INO80: variants seen among roughly 807,000 people sequenced by gnomAD.
INO80 encodes the protein chromatin-remodeling ATPase INO80.
INO80 carries 20 observed loss-of-function variants against 203.4 expected under a neutral mutation model. The observed-to-expected ratio is 0.10, with a 90% CI of 0.07 to 0.14. INO80 has a LOEUF of 0.14. Among genes scored for constraint, INO80 ranks in the 10% least tolerant of loss-of-function variants. The pLI is 1.00. For synonymous variants in INO80, 726 were observed against 685.2 expected (o/e 1.06, Z -0.93); for missense variants, 1,419 against 1,914.4 (o/e 0.74, Z 4.83).
At chr15:41,024,930 T>C (rs2140475044) in intron 25 of INO80, among the ~76,000 whole-genome samples, 1 of 152,330 alleles carries the variant, frequency 6.6e-6, no homozygotes, top group Non-Finnish European at 1.5e-5. Context: ...TCCCTAGGAC[T>C]GATCTGAAAG....
chr15:41,023,439 C>A (rs1385966471), intron 25 of INO80: 9 of 422,844 alleles, frequency 2.1e-5, no homozygotes, highest in Non-Finnish European at 1.4e-5. Context: ...TCTTGAACAG[C>A]ATGCATACTC....
intron 18 of INO80, among the ~76,000 whole-genome samples, chr15:41,054,608 A>G (rs2044949505): frequency 1.3e-5 from 2 of 152,182 alleles, no homozygotes; most frequent in South Asian, 4.1e-4. Context: ...TTAGACCCAT[A>G]GCATTTGACC....
At chr15:41,071,476 TAG>T (rs1179939429) in intron 12 of INO80, among the ~76,000 whole-genome samples, 7 of 131,480 alleles carry the variant, frequency 5.3e-5, no homozygotes, top group African/African-American at 1.5e-4. Flanking sequence ...TTTTTTGAGA[TAG>T]AGTTTTGCTC....
chr15:41,094,083 G>T (rs1183310394), intron 4 of INO80, among the ~76,000 whole-genome samples: 1 of 152,136 alleles, frequency 6.6e-6, no homozygotes, highest in African/African-American at 2.4e-5. Context: ...GTATAAAAGA[G>T]AAATAATTAG....
chr15:41,021,795 C>G (rs1211483049), intron 25 of INO80, among the ~76,000 whole-genome samples: 1 of 152,214 alleles, frequency 6.6e-6, no homozygotes, highest in Non-Finnish European at 1.5e-5. Flanking sequence ...AAATTCTTAT[C>G]TCAATACAAG....
At chr15:41,036,623 G>A (rs1023581146) in intron 24 of INO80, among the ~76,000 whole-genome samples, 3 of 152,056 alleles carry the variant, frequency 2.0e-5, no homozygotes, top group Non-Finnish European at 4.4e-5. Flanking sequence ...ATGTTCCAAA[G>A]ATTAGTACCA....
Position 41,006,835 on chromosome 15 carries a change from A to G in INO80, c.3403-1148T>C, listed in dbSNP as rs181069023. ...TTTAATTTTTTACCATTTCTGTCTC[A>G]AAGTGGTTCCTTAAGAGCTGTGATA... On this transcript the variant is annotated intron_variant, in intron 27 of 35. Coordinates refer to ENST00000648947, the MANE Select transcript of INO80 (RefSeq NM_017553.3). Among the ~76,000 whole-genome samples, 410 of 152,306 alleles carry G rather than the reference A, an allele frequency of 2.7e-3. 3 individuals are homozygous for G. The highest frequency in any genetic ancestry group is 0.013 in the South Asian group (62 of 4,832).
chr15:41,072,312 G>A (rs919487383), intron 11 of INO80, among the ~76,000 whole-genome samples: 4 of 151,930 alleles, frequency 2.6e-5, no homozygotes, highest in Non-Finnish European at 5.9e-5. Context: ...CTTACACTCT[G>A]TCAATGTTAA....
intron 28 of INO80, among the ~76,000 whole-genome samples, chr15:41,002,682 G>A (rs546030496): frequency 9.9e-5 from 15 of 152,278 alleles, no homozygotes; most frequent in Admixed American, 3.9e-4. Flanking sequence ...TCTATGCTAA[G>A]ACAGTAATCT....
chr15:41,016,074 A>T lies in INO80; in HGVS notation c.3402+14T>A. The T allele has an allele frequency of 6.2e-7, 1 of 1,607,776 alleles. No homozygotes were observed. The highest frequency in any genetic ancestry group is 8.5e-7 in the Non-Finnish European group (1 of 1,175,884). ...TGTCAAGGTATCCTAGGTCCCCAAG[A>T]TTCCCTCTCCTACCTCCAGTAGGTC... On this transcript the variant is annotated intron_variant, in intron 27 of 35. Coordinates refer to ENST00000648947, the MANE Select transcript of INO80 (RefSeq NM_017553.3).
chr15:41,019,077 G>A (rs72735699), intron 26 of INO80, among the ~76,000 whole-genome samples: 10,793 of 152,222 alleles, frequency 0.071, 540 homozygotes, highest in South Asian at 0.22. Context: ...GTAGCCTATG[G>A]CAGTAAAATT....
chr15:41,048,087 T>G, intron 22 of INO80, 125 bp downstream of exon 22: 1 of 596,022 alleles, frequency 1.7e-6, no homozygotes, highest in East Asian at 2.7e-5. Context: ...TTATCAAGAT[T>G]TTATAAATAA....
chr15:41,055,773 A>G (rs2412599), intron 17 of INO80, among the ~76,000 whole-genome samples: 138,204 of 152,162 alleles, frequency 0.91, 63,953 homozygotes, highest in East Asian at 1. Flanking sequence ...CTGGTCTACC[A>G]CTATTTTAAA....
intron 24 of INO80, among the ~76,000 whole-genome samples, chr15:41,037,697 C>G (rs1184983877): frequency 2.0e-5 from 3 of 151,910 alleles, no homozygotes; most frequent in Non-Finnish European, 4.4e-5. Flanking sequence ...AATCCCAGCA[C>G]TTTGAAAGGC....
At chr15:40,980,505 G>A in intron 35 of INO80, 65 bp from the exon 36 acceptor site, 1 of 1,269,918 alleles carries the variant, frequency 7.9e-7, no homozygotes, top group South Asian at 1.3e-5. Flanking sequence ...TGGAGCCTGT[G>A]GCCTTGGTTA....
At chr15:41,036,266 T>C (rs1182036439) in intron 24 of INO80, among the ~76,000 whole-genome samples, 1 of 151,874 alleles carries the variant, frequency 6.6e-6, no homozygotes, top group African/African-American at 2.4e-5. Context: ...TTTATTGTTT[T>C]AGTCTCTAGG....
chr15:41,007,337 C>T (rs140432217), intron 27 of INO80, among the ~76,000 whole-genome samples: 7,214 of 151,954 alleles, frequency 0.047, 324 homozygotes, highest in East Asian at 0.22. Flanking sequence ...CAACTGCCAC[C>T]ACACCTGGCT....
rs2140605332 is a variant in INO80 at position 41,074,417 on chromosome 15, A to T, written c.1280T>A (p.Ile427Asn). The T allele has an allele frequency of 6.2e-7, 1 of 1,613,854 alleles. No individual in the cohort carries two copies. The highest frequency in any genetic ancestry group is 2.2e-5 in the East Asian group (1 of 44,862). ...KLEDSSTQRQ[I>N]DIGGGVVVNI... ...AACTACCACTCCTCCACCTATATCG[A>T]TTTGTCTCTGGGTAGAACTGTCTTC... The change falls in exon 10 of 36, where the codon ATC becomes AAC. Residue 427 changes from isoleucine to asparagine, a missense_variant. Transcript: ENST00000648947.
intron 7 of INO80, among the ~76,000 whole-genome samples, chr15:41,081,752 T>C (rs1000985645): frequency 2.8e-4 from 43 of 152,132 alleles, no homozygotes; most frequent in African/African-American, 9.9e-4. Context: ...GGGTGGCTCT[T>C]TCAGTACTGA....
Sources: gnomAD v4.1 joint callset for allele counts (sites outside exome capture counted in the v4.1 genomes callset) on GRCh38, gnomAD v4.1.1 for gene constraint, MANE v1.5 for transcripts, NCBI Gene and HGNC (gene_info 2026-07-23, HGNC 2026-07-21) for gene names.